The following GPBP1L1 variants were observed in gnomAD, a reference collection of about 807,000 sequenced individuals.
GPBP1L1 encodes vasculin-like protein 1.
Under a neutral mutation model 52.5 loss-of-function variants are expected in GPBP1L1, and 23 were observed. The observed-to-expected ratio is 0.44, with a 90% confidence interval of 0.32 to 0.62. The LOEUF (loss-of-function observed/expected upper bound fraction) is 0.62, where lower values mean the gene tolerates loss of function less well. Ranked by LOEUF, GPBP1L1 falls within the 20% of genes least tolerant of loss-of-function variation. GPBP1L1 has a pLI of 0.06. For missense variants in GPBP1L1, 596 were observed against 579.3 expected (o/e 1.03, Z -0.30); for synonymous variants, 243 against 203.1 (o/e 1.20, Z -1.67).
chr1:45,656,542 G>A (rs535578506), intron 4 of GPBP1L1, among the ~76,000 whole-genome samples: 1 of 152,256 alleles, frequency 6.6e-6, no homozygotes, highest in East Asian at 1.9e-4. Flanking sequence ...AGCAAAGGCT[G>A]AGGTTCTTTA....
chr1:45,655,329 T>A lies in GPBP1L1; in HGVS notation c.61-10A>T. On this transcript the variant is annotated splice_polypyrimidine_tract_variant and intron_variant, in intron 4 of 12. Coordinates refer to ENST00000355105, the MANE Select transcript of GPBP1L1 (RefSeq NM_021639.5). ...AGGTGGCAGTAGGTGACTAAGATGA[T>A]GAAGTATGGAGAGGCAAATGGATAA... 1 of 1,613,972 alleles carries A rather than the reference T, an allele frequency of 6.2e-7. No individual in the cohort carries two copies. Among genetic ancestry groups the A allele is most frequent in the Non-Finnish European group, 8.5e-7 (1 of 1,179,844 alleles).
Position 45,629,598 on chromosome 1 carries a change from T to G in GPBP1L1, c.1250A>C (p.Glu417Ala). ...CLPLTEDELKEFHMKTEQLRR... is the reference protein window; with the variant it reads ...CLPLTEDELKAFHMKTEQLRR... The stretch of plus-strand genomic sequence containing the variant: ...TACCTGCTCTGTCTTCATGTGGAAC[T>G]CTTTGAGCTCATCCTCTGTGAGGGG... Residue 417 changes from glutamate to alanine, a missense_variant, in exon 12 of 13, where the codon GAG becomes GCG. Coordinates refer to ENST00000355105, the MANE Select transcript of GPBP1L1 (RefSeq NM_021639.5). 6.2e-7 allele frequency: 1 copy of G among 1,610,654 alleles called. No individual in the cohort carries two copies. Among genetic ancestry groups the G allele is most frequent in the South Asian group, 1.1e-5 (1 of 91,006 alleles).
At chr1:45,683,385 T>G (rs1645236127) in intron 2 of GPBP1L1, among the ~76,000 whole-genome samples, 1 of 151,084 alleles carries the variant, frequency 6.6e-6, no homozygotes, top group Admixed American at 6.6e-5. Context: ...TTTTGTATTT[T>G]TAGTAGAGAC....
intron 4 of GPBP1L1, among the ~76,000 whole-genome samples, chr1:45,657,440 G>C (rs1644897922): frequency 6.6e-6 from 1 of 152,118 alleles, no homozygotes; most frequent in South Asian, 2.1e-4. Flanking sequence ...GGAGGATGAG[G>C]TAGGAGGATC....
chr1:45,674,517 C>T (rs575945282), intron 2 of GPBP1L1, among the ~76,000 whole-genome samples: 1 of 152,194 alleles, frequency 6.6e-6, no homozygotes, highest in East Asian at 1.9e-4. Context: ...TAACTTAGGA[C>T]GATAGTTCAA....
intron 5 of GPBP1L1, among the ~76,000 whole-genome samples, 164 bp downstream of exon 5, chr1:45,655,026 T>C (rs1176080770): frequency 6.6e-6 from 1 of 152,248 alleles, no homozygotes; most frequent in Non-Finnish European, 1.5e-5. Context: ...TAATCATAGT[T>C]AGACCTAGAA....
intron 6 of GPBP1L1, among the ~76,000 whole-genome samples, chr1:45,646,704 C>G (rs1384204038): frequency 9.9e-5 from 15 of 151,974 alleles, no homozygotes; most frequent in Admixed American, 9.2e-4. Context: ...ACTACAGGCG[C>G]CCGCCACCAT....
At chr1:45,687,374 C>A (rs1645303770), upstream of GPBP1L1, 1 of 152,292 alleles carries the variant, frequency 6.6e-6, no homozygotes, top group Non-Finnish European at 1.5e-5. Flanking sequence ...AGGAAGACTT[C>A]GCTGTGGCTC....
intron 4 of GPBP1L1, 114 bp downstream of exon 4, chr1:45,658,914 C>A: frequency 1.3e-6 from 1 of 756,466 alleles, no homozygotes; most frequent in Non-Finnish European, 2.4e-6. Flanking sequence ...CGCACTTCAT[C>A]CTGGGTGACA....
chr1:45,636,209 C>T (rs1644591928), intron 8 of GPBP1L1, among the ~76,000 whole-genome samples: 1 of 152,100 alleles, frequency 6.6e-6, no homozygotes, highest in South Asian at 2.1e-4. Flanking sequence ...TGAACCTGTC[C>T]CTTTTTCCCT....
At chr1:45,672,800 A>G (rs1645090113) in intron 2 of GPBP1L1, among the ~76,000 whole-genome samples, 1 of 152,220 alleles carries the variant, frequency 6.6e-6, no homozygotes, top group African/African-American at 2.4e-5. Context: ...TCAAGAAGGT[A>G]GAGTGACCAT....
At chr1:45,646,026 GCT>G (rs1003132674) in intron 6 of GPBP1L1, 14 of 505,294 alleles carry the variant, frequency 2.8e-5, no homozygotes, top group Non-Finnish European at 4.7e-5. Context: ...AATTTTCCCA[GCT>G]CTGTTATCAT....
intron 2 of GPBP1L1, among the ~76,000 whole-genome samples, chr1:45,681,852 T>C (rs1387142277): frequency 6.6e-6 from 1 of 152,230 alleles, no homozygotes; most frequent in Non-Finnish European, 1.5e-5. Flanking sequence ...AGCCAACCAC[T>C]GATTACCATA....
chr1:45,665,119 G>GTA (rs1644994405), intron 2 of GPBP1L1, among the ~76,000 whole-genome samples: 1 of 151,848 alleles, frequency 6.6e-6, no homozygotes, highest in Non-Finnish European at 1.5e-5. Flanking sequence ...TGAAACCCCC[G>GTA]TCTCTACTAT....
intron 6 of GPBP1L1, chr1:45,651,005 A>G (rs1557705349): frequency 2.8e-6 from 1 of 353,740 alleles, no homozygotes; most frequent in East Asian, 6.8e-5. Flanking sequence ...CTTTTTATGT[A>G]AAGAAAGCTC....
chr1:45,671,619 A>C (rs1281124769), intron 2 of GPBP1L1, among the ~76,000 whole-genome samples: 1 of 151,490 alleles, frequency 6.6e-6, no homozygotes, highest in African/African-American at 2.4e-5. Flanking sequence ...AGGAGTTTGA[A>C]ATCAACCTCA....
intron 2 of GPBP1L1, among the ~76,000 whole-genome samples, chr1:45,662,544 A>G (rs988375830): frequency 6.6e-6 from 1 of 152,222 alleles, no homozygotes; most frequent in Non-Finnish European, 1.5e-5. Flanking sequence ...CATATATCCA[A>G]TTCAGCAGCC....
intron 8 of GPBP1L1, among the ~76,000 whole-genome samples, chr1:45,639,673 G>A (rs947526728): frequency 1.3e-5 from 2 of 151,680 alleles, no homozygotes; most frequent in African/African-American, 4.8e-5. Context: ...TCAGGAGATT[G>A]AGACCATCCT....
intron 2 of GPBP1L1, among the ~76,000 whole-genome samples, chr1:45,679,553 T>G (rs1166597690): frequency 6.6e-6 from 1 of 152,134 alleles, no homozygotes; most frequent in Non-Finnish European, 1.5e-5. Flanking sequence ...ACCCAACCTT[T>G]CCAGCATCCT....
Sources: gnomAD v4.1 joint callset for allele counts (sites outside exome capture counted in the v4.1 genomes callset) on GRCh38, gnomAD v4.1.1 for gene constraint, MANE v1.5 for transcripts, NCBI Gene and HGNC (gene_info 2026-07-23, HGNC 2026-07-21) for gene names.